TTC34: variants seen among roughly 807,000 people sequenced by gnomAD.
TTC34 encodes tetratricopeptide repeat domain 34, also known as tetratricopeptide repeat protein 34.
A neutral mutation model predicts 40.7 loss-of-function variants in TTC34; 44 were observed. The observed-to-expected ratio is 1.08, with a 90% CI of 0.85 to 1.39. TTC34 has a LOEUF of 1.39. TTC34 is among the 40% of genes most tolerant of loss of function. The pLI, the probability that TTC34 is intolerant of heterozygous loss-of-function variation, is 0.00. For missense variants in TTC34, 884 were observed against 838.0 expected (o/e 1.05, Z -0.68); for synonymous variants, 422 against 398.6 (o/e 1.06, Z -0.70).
intron 6 of TTC34, among the ~76,000 whole-genome samples, chr1:2,777,933 C>T (rs1247816928): frequency 1.3e-5 from 2 of 152,188 alleles, no homozygotes; most frequent in Admixed American, 6.5e-5. Context: ...TGGCCACATC[C>T]AGCTGTTAAA....
At chr1:2,767,342 G>A (rs1473095266) in intron 6 of TTC34, among the ~76,000 whole-genome samples, 2 of 58,392 alleles carry the variant, frequency 3.4e-5, no homozygotes, top group Non-Finnish European at 6.4e-5. Context: ...GCATCTGACC[G>A]CATGGAATGT....
rs567002214 is a variant in TTC34, at chr1:2,688,713, C to T, written c.2227-43150G>A. Among the ~76,000 whole-genome samples, 3 of 127,976 alleles carry T rather than the reference C, an allele frequency of 2.3e-5. No individual in the cohort carries two copies. In the South Asian group the frequency reaches 7.4e-4, roughly 31 times the overall value. 84.0% of individuals were successfully genotyped at this position (127,976 alleles called of 152,430 possible). On this transcript the variant is annotated intron_variant, in intron 6 of 8. Coordinates refer to ENST00000401095, the Ensembl canonical transcript of TTC34. ...GCACCCCCAGGAGAGCATCTGACAG[C>T]CTGGAACAGCGGGCACACCCCCAGG... is the stretch of plus-strand genomic sequence containing the variant.
Position 2,644,496 on chromosome 1 carries a change from G to T in TTC34, c.2498-18C>A, listed in dbSNP as rs1457867003. The T allele has an allele frequency of 3.9e-6, 6 of 1,528,112 alleles. No homozygotes were observed. Among genetic ancestry groups the T allele is most frequent in the Non-Finnish European group, 4.4e-6 (5 of 1,140,760 alleles). The allele number at this position is 1,528,112 out of a possible 1,614,324, so 94.7% of individuals were successfully genotyped here. A position where few individuals can be genotyped will look rare whatever the true frequency, so the allele number is the denominator to read the frequency against. On this transcript the variant is annotated intron_variant, in intron 7 of 8. Transcript: ENST00000401095. Reference sequence around the variant, plus strand: ...GTAGCTGCCTGTCAGGGATTCAGGAGGGACAGTCAGTGTGTGGGGTTGGGC... The same window carrying T: ...GTAGCTGCCTGTCAGGGATTCAGGATGGACAGTCAGTGTGTGGGGTTGGGC...
chr1:2,768,641 C>T (rs1219803915), intron 6 of TTC34, among the ~76,000 whole-genome samples: 1 of 151,852 alleles, frequency 6.6e-6, no homozygotes, highest in East Asian at 1.9e-4. Context: ...CATCCGACAG[C>T]CTGGAACAGC....
intron 6 of TTC34, among the ~76,000 whole-genome samples, chr1:2,686,730 C>G (rs372068835): frequency 0.063 from 540 of 8,632 alleles, no homozygotes; most frequent in Admixed American, 0.11. Flanking sequence ...CACCCCCAGG[C>G]GAGCATCTGA....
intron 6 of TTC34, among the ~76,000 whole-genome samples, chr1:2,698,999 A>AAC (rs1415874443): frequency 4.3e-5 from 1 of 23,248 alleles, no homozygotes; most frequent in Non-Finnish European, 9.9e-5. Context: ...CAGCCTGGAA[A>AAC]GGCACCCACA....
Position 2,700,681 on chromosome 1 carries a change from T to A in TTC34, c.2227-55118A>T, listed in dbSNP as rs182251647. On this transcript the variant is annotated intron_variant, in intron 6 of 8. Coordinates refer to ENST00000401095, the Ensembl canonical transcript of TTC34. ...CACCCCAGGCAAAAATCTGACAGCA[T>A]GGAACAAGACCACTGCTCCCAGGTG... 2.2e-3 allele frequency among the ~76,000 whole-genome samples: 265 copies of A among 117,976 alleles called. 64 individuals carry two copies. The highest frequency in any genetic ancestry group is 3.9e-3 in the Non-Finnish European group (199 of 50,434). The allele number at this position is 117,976 out of a possible 152,430, so 77.4% of individuals were successfully genotyped here. A position where few individuals can be genotyped will look rare whatever the true frequency, so the allele number is the denominator to read the frequency against.
Position 2,645,613 on chromosome 1 carries a change from C to G in TTC34, c.2227-50G>C. ...TGCAGAGTTGTCCTAAGTAGAGAAA[C>G]TGGGCAGAGGGTCAGAGTAGGAGGA... On this transcript the variant is annotated intron_variant, in intron 6 of 8. Transcript: ENST00000401095. This position sits in a 1 kb window ranked among gnomAD's most constrained non-coding sequence, Gnocchi z 4.7. The G allele has an allele frequency of 2.8e-6, 4 of 1,434,954 alleles. No homozygotes were observed. The highest frequency in any genetic ancestry group is 1.5e-5 in the South Asian group (1 of 68,164). The allele number at this position is 1,434,954 out of a possible 1,614,324, so 88.9% of individuals were successfully genotyped here.
intron 4 of TTC34, among the ~76,000 whole-genome samples, chr1:2,786,453 G>A (rs72849581): frequency 0.017 from 2,589 of 152,318 alleles, 59 homozygotes; most frequent in African/African-American, 0.058. Context: ...TTGGTGCAGA[G>A]GAGTAGGTAG....
chr1:2,644,013 G>T (rs1388147930), intron 8 of TTC34, among the ~76,000 whole-genome samples: 1 of 152,208 alleles, frequency 6.6e-6, no homozygotes, highest in East Asian at 1.9e-4. Context: ...TCCCTCTCTT[G>T]CACCCAAGTC....
chr1:2,752,474 C>A (rs1641354788), intron 6 of TTC34, among the ~76,000 whole-genome samples: 3 of 147,286 alleles, frequency 2.0e-5, no homozygotes, highest in African/African-American at 7.6e-5. Flanking sequence ...ACGTGACAGC[C>A]TGGAACAGCA....
At position 2,759,225 on chromosome 1, in the gene TTC34, C is replaced by T. The variant is rs1429985930; in HGVS notation, c.2226+24384G>A. On this transcript the variant is annotated intron_variant, in intron 6 of 8. Transcript: ENST00000401095. ...CAGGTAAGCATCTGACAGCCTGAAACAGCACCCTGCACCCCCGGTGCGCAC... is the reference window on the plus strand; with the variant it reads ...CAGGTAAGCATCTGACAGCCTGAAATAGCACCCTGCACCCCCGGTGCGCAC... Among the ~76,000 whole-genome samples the T allele has an allele frequency of 8.3e-5, 6 of 72,430 alleles. 1 individual carries two copies. Among genetic ancestry groups the T allele is most frequent in the Non-Finnish European group, 1.4e-4 (5 of 34,772 alleles). The allele number at this position is 72,430 out of a possible 152,430, so 47.5% of individuals were successfully genotyped here. A position where few individuals can be genotyped will look rare whatever the true frequency, so the allele number is the denominator to read the frequency against.
intron 6 of TTC34, among the ~76,000 whole-genome samples, chr1:2,649,187 C>T (rs1639077780): frequency 6.6e-6 from 1 of 151,436 alleles, no homozygotes; most frequent in African/African-American, 2.4e-5. Flanking sequence ...TGTGTGACAG[C>T]CTAGAACAGC....
chr1:2,783,929 A>G (rs1643532821), intron 5 of TTC34, among the ~76,000 whole-genome samples, 154 bp from the exon 6 acceptor site: 1 of 152,054 alleles, frequency 6.6e-6, no homozygotes, highest in Admixed American at 6.5e-5. Flanking sequence ...AGACAGAGAC[A>G]GGGTGGACTT....
In TTC34 at chr1:2,751,249, C is replaced by T. The variant is rs1478774371; in HGVS notation, c.2226+32360G>A. On this transcript the variant is annotated intron_variant, in intron 6 of 8. Transcript: ENST00000401095. ...GACAGCCTGGAGCAGCAGGCACACC[C>T]CCAGTGAGCATCCGACAGCCTGGAA... is the stretch of plus-strand genomic sequence containing the variant. Among the ~76,000 whole-genome samples the T allele has an allele frequency of 1.3e-4, 15 of 115,852 alleles. 4 individuals are homozygous for T. The highest frequency in any genetic ancestry group is 5.1e-4 in the African/African-American group (13 of 25,558). The allele number at this position is 115,852 out of a possible 152,430, so 76.0% of individuals were successfully genotyped here.
At position 2,686,075 on chromosome 1, in the gene TTC34, C is replaced by A. The variant is rs549746351; in HGVS notation, c.2227-40512G>T. On this transcript the variant is annotated intron_variant, in intron 6 of 8. Transcript: ENST00000401095. ...AGCATCCGACAGCCTGGAGAAGCAC[C>A]CACACCCCCAGGCGAGCATCTGACA... Among the ~76,000 whole-genome samples the A allele has an allele frequency of 3.0e-5, 4 of 131,572 alleles. No individual in the cohort carries two copies. The East Asian group carries it at 6.7e-4, about 22-fold the overall frequency. 86.3% of individuals were successfully genotyped at this position (131,572 alleles called of 152,430 possible). A position where few individuals can be genotyped will look rare whatever the true frequency, so the allele number is the denominator to read the frequency against.
intron 6 of TTC34, among the ~76,000 whole-genome samples, chr1:2,691,771 G>A (rs1640630637): frequency 3.5e-5 from 3 of 85,804 alleles, no homozygotes; most frequent in South Asian, 3.4e-4. Flanking sequence ...AACGCAAATA[G>A]CAGCACCCAC....
At chr1:2,651,713 C>T (rs915021467) in intron 6 of TTC34, among the ~76,000 whole-genome samples, 2 of 151,812 alleles carry the variant, frequency 1.3e-5, no homozygotes, top group African/African-American at 2.4e-5. Flanking sequence ...ACAGCACCAC[C>T]CCTCTCCAAC....
chr1:2,755,646 T>G lies in TTC34; in HGVS notation c.2226+27963A>C, dbSNP rs1270595595. On this transcript the variant is annotated intron_variant, in intron 6 of 8. Coordinates refer to ENST00000401095, the Ensembl canonical transcript of TTC34. ...ACACCCAGGTGCGCATCTGATGGTCTGGAGCAGCACCCACAACCACAGGTG... is the reference window on the plus strand; with the variant it reads ...ACACCCAGGTGCGCATCTGATGGTCGGGAGCAGCACCCACAACCACAGGTG... 1.6e-5 allele frequency among the ~76,000 whole-genome samples: 2 copies of G among 122,486 alleles called. 1 individual carries two copies. Among genetic ancestry groups the G allele is most frequent in the Non-Finnish European group, 3.3e-5 (2 of 61,148 alleles). The allele number at this position is 122,486 out of a possible 152,430, so 80.4% of individuals were successfully genotyped here. A position where few individuals can be genotyped will look rare whatever the true frequency, so the allele number is the denominator to read the frequency against.
Sources: gnomAD v4.1 joint callset for allele counts (sites outside exome capture counted in the v4.1 genomes callset) on GRCh38, gnomAD v4.1.1 for gene constraint, Gnocchi (gnomAD v3.1) non-coding constraint, MANE v1.5 for transcripts, NCBI Gene and HGNC (gene_info 2026-07-23, HGNC 2026-07-21) for gene names.